The following FREM3 variants were observed in gnomAD, a reference collection of about 807,000 sequenced individuals.
FREM3 encodes FRAS1 related extracellular matrix 3.
Under a neutral mutation model 129.1 loss-of-function variants are expected in FREM3, and 105 were observed. The ratio of observed to expected loss-of-function variants is 0.81; its 90% CI spans 0.69 to 0.96. The LOEUF is 0.96. Ranked by LOEUF, FREM3 falls within the 40% of genes least tolerant of loss-of-function variation. The probability of loss-of-function intolerance (pLI) is 0.00; values close to 1 mark genes in which losing one functional copy is unlikely to be tolerated. For missense variants in FREM3, 2,593 were observed against 2,666.3 expected (o/e 0.97, Z 0.61); for synonymous variants, 1,014 against 1,044.9 (o/e 0.97, Z 0.57).
intron 2 of FREM3, among the ~76,000 whole-genome samples, chr4:143,653,915 T>C (rs1363364639): frequency 1.3e-5 from 2 of 152,212 alleles, no homozygotes; most frequent in African/African-American, 4.8e-5. Flanking sequence ...GGGACTCTTC[T>C]TTTGATTACC....
Position 143,624,304 on chromosome 4 carries a change from G to A in FREM3, c.5457C>T (p.Asp1819=), listed in dbSNP as rs972864395. The change falls in exon 4 of 8, where the codon GAC becomes GAT. Residue 1819 remains aspartate (D), a synonymous_variant. Coordinates refer to ENST00000329798, the MANE Select transcript of FREM3 (RefSeq NM_001168235.2). ...IGTKDETAKK[D]KDFKWKTNKQ... ...TATTGGTCTTCCATTTGAAATCTTT[G>A]TCTTTTTTTGCAGTTTCATCTTTGG... The A allele has an allele frequency of 2.6e-6, 4 of 1,536,682 alleles. No homozygotes were observed. In the South Asian group the frequency reaches 3.6e-5, roughly 14 times the overall value.
intron 2 of FREM3, among the ~76,000 whole-genome samples, chr4:143,672,040 A>C (rs1012453787): frequency 6.6e-6 from 1 of 152,156 alleles, no homozygotes. Context: ...TCTCTCTCCC[A>C]TTGTCACTGC....
intron 2 of FREM3, among the ~76,000 whole-genome samples, chr4:143,690,713 C>T (rs1322654676): frequency 6.6e-6 from 1 of 152,062 alleles, no homozygotes; most frequent in Non-Finnish European, 1.5e-5. Flanking sequence ...TTAAGTCAGC[C>T]ACTGTAAAGC....
Position 143,621,031 on chromosome 4 carries a change from T to A in FREM3, c.5779+6A>T. 6.5e-7 allele frequency: 1 copy of A among 1,537,244 alleles called. No individual in the cohort carries two copies. The highest frequency in any genetic ancestry group is 1.2e-5 in the South Asian group (1 of 84,054). ...CCTATGAACAGGACCCCACAGAGCC[T>A]CATACCTTGACGTGTGGAGCAAATG... On this transcript the variant is annotated splice_donor_region_variant and intron_variant, in intron 5 of 7. Transcript: ENST00000329798.
In FREM3 at chr4:143,700,288, C is replaced by G; in HGVS notation, c.388G>C (p.Gly130Arg). ...GPRQVQYTHF[G>R]SHSPGRARVL... ...CGGGCGCGTCCGGGGCTGTGGGAGC[C>G]GAAGTGAGTGTACTGGACTTGGCGG... Residue 130 changes from glycine to arginine, a missense_variant, in exon 1 of 8, where the codon GGC becomes CGC. Gly to Arg is a moderately radical substitution (Grantham distance 125, BLOSUM62 -2). Transcript: ENST00000329798. 2 of 1,536,306 alleles carry G rather than the reference C, an allele frequency of 1.3e-6. No individual in the cohort carries two copies. The highest frequency in any genetic ancestry group is 1.2e-5 in the South Asian group (1 of 84,014).
chr4:143,689,088 C>G (rs1228295416), intron 2 of FREM3, among the ~76,000 whole-genome samples: 3 of 152,124 alleles, frequency 2.0e-5, no homozygotes, highest in African/African-American at 7.2e-5. Context: ...AGAAAACAGA[C>G]AACCCACAGA....
Position 143,696,619 on chromosome 4 carries a change from C to T in FREM3, c.4057G>A (p.Gly1353Arg). 2.6e-6 allele frequency: 4 copies of T among 1,537,728 alleles called. No individual in the cohort carries two copies. Among genetic ancestry groups the T allele is most frequent in the Non-Finnish European group, 3.5e-6 (4 of 1,147,028 alleles). Residue 1353 changes from glycine to arginine, a missense_variant, in exon 1 of 8, where the codon GGG (glycine) becomes AGG (arginine). Physicochemically the swap from Gly to Arg is moderately radical, Grantham distance 125. Around this residue, in one of 2 missense-constraint regions of FREM3, gnomAD observed 2,276 missense variants for 2,267.2 expected, o/e 1.00. Transcript: ENST00000329798. ...GGTTTTCTCAGCCTCTGTAGAAGCC[C>T]TTGTTGAGGCCCAGAATGGAGGACA... is the stretch of plus-strand genomic sequence containing the variant. ...SFVLHSGPQQ[G>R]LLQRLRKPRG...
Position 143,697,950 on chromosome 4 carries a change from G to T in FREM3, c.2726C>A (p.Thr909Lys), listed in dbSNP as rs778527990. 2 of 1,537,770 alleles carry T rather than the reference G, an allele frequency of 1.3e-6. No homozygotes were observed. Among genetic ancestry groups the T allele is most frequent in the Non-Finnish European group, 1.7e-6 (2 of 1,147,030 alleles). Reference protein sequence around the residue: ...SVSYQHGRDQTTTSDTFHLEV... With the variant: ...SVSYQHGRDQKTTSDTFHLEV... The stretch of plus-strand genomic sequence containing the variant: ...CAGATGGAAAGTGTCACTGGTAGTC[G>T]TCTGGTCTCTGCCATGCTGGTAAGA... Residue 909 changes from threonine (T) to lysine (K), a missense_variant, in exon 1 of 8, where the codon ACG becomes AAG. Physicochemically the swap from Thr to Lys is moderately conservative, Grantham distance 78. Around this residue, in one of 2 missense-constraint regions of FREM3, gnomAD observed 2,276 missense variants for 2,267.2 expected, o/e 1.00. Transcript: ENST00000329798.
chr4:143,683,364 G>A (rs1375240786), intron 2 of FREM3, among the ~76,000 whole-genome samples: 1 of 152,218 alleles, frequency 6.6e-6, no homozygotes, highest in African/African-American at 2.4e-5. Context: ...CCCCAACTAT[G>A]GAAGTGGTAA....
chr4:143,588,687 A>G (rs904511244), intron 6 of FREM3, among the ~76,000 whole-genome samples: 5 of 151,944 alleles, frequency 3.3e-5, no homozygotes, highest in South Asian at 2.1e-4. Flanking sequence ...TATTGTGAAT[A>G]GTGCCACAAT....
rs766345766 is a variant in FREM3, at chr4:143,697,456, C to G, written c.3220G>C (p.Val1074Leu). The stretch of plus-strand genomic sequence containing the variant: ...TCATAGACAATGAAGGACTCCCCGA[C>G]GAAGACCTTGGGTCCCACATTGTCC... ...PVDNVGPKVF[V>L]GESFIVYEGE... Residue 1074 changes from valine to leucine, a missense_variant, in exon 1 of 8, where the codon GTC becomes CTC. Val to Leu is a conservative substitution (Grantham distance 32, BLOSUM62 1). Transcript: ENST00000329798. 2.0e-6 allele frequency: 3 copies of G among 1,537,110 alleles called. No homozygotes were observed. Among genetic ancestry groups the G allele is most frequent in the Non-Finnish European group, 2.6e-6 (3 of 1,146,888 alleles).
At position 143,700,604 on chromosome 4, in the gene FREM3, C is replaced by G; in HGVS notation, c.72G>C (p.Leu24Phe). 2.7e-6 allele frequency: 4 copies of G among 1,462,262 alleles called. No homozygotes were observed. Among genetic ancestry groups the G allele is most frequent in the Non-Finnish European group, 3.6e-6 (4 of 1,108,856 alleles). 90.6% of individuals were successfully genotyped at this position (1,462,262 alleles called of 1,614,324 possible). A position where few individuals can be genotyped will look rare whatever the true frequency, so the allele number is the denominator to read the frequency against. The change falls in exon 1 of 8, where the codon TTG (leucine) becomes TTC (phenylalanine). Residue 24 changes from leucine (L) to phenylalanine (F), a missense_variant. Coordinates refer to ENST00000329798, the MANE Select transcript of FREM3 (RefSeq NM_001168235.2). ...QLLVALACLL[L>F]SRPALQGRAS... The stretch of plus-strand genomic sequence containing the variant: ...CCCGTCCCTGCAGCGCGGGGCGACT[C>G]AAGAGCAGGCAGGCGAGCGCCACAA...
intron 2 of FREM3, among the ~76,000 whole-genome samples, chr4:143,688,414 G>A (rs1740405596): frequency 6.6e-6 from 1 of 152,072 alleles, no homozygotes; most frequent in African/African-American, 2.4e-5. Context: ...GCTCATGGAT[G>A]GGTAGAATCA....
intron 2 of FREM3, among the ~76,000 whole-genome samples, chr4:143,685,145 A>G (rs564857747): frequency 6.6e-6 from 1 of 152,316 alleles, no homozygotes; most frequent in East Asian, 1.9e-4. Flanking sequence ...TACCAGAAGC[A>G]CAAAGAACAC....
At chr4:143,645,532 A>G (rs1363369574) in intron 2 of FREM3, among the ~76,000 whole-genome samples, 1 of 152,222 alleles carries the variant, frequency 6.6e-6, no homozygotes. Flanking sequence ...TTATGAGCAA[A>G]GACTAAGGTT....
chr4:143,615,156 G>A (rs565233677), intron 5 of FREM3, among the ~76,000 whole-genome samples: 63 of 152,226 alleles, frequency 4.1e-4, no homozygotes, highest in African/African-American at 1.5e-3. Flanking sequence ...ATGTTGTTTG[G>A]TTACTTTATG....
rs149002940 is a variant in FREM3 at position 143,628,092 on chromosome 4, G to A, written c.5276-332C>T. On this transcript the variant is annotated intron_variant, in intron 2 of 7. Transcript: ENST00000329798. ...CACCTCTATCGTTTCCTCCCTGCCTGTTGTCTTCACTTTCACTCCCTCTGC... is the reference window on the plus strand; with the variant it reads ...CACCTCTATCGTTTCCTCCCTGCCTATTGTCTTCACTTTCACTCCCTCTGC... Among the ~76,000 whole-genome samples the A allele has an allele frequency of 4.0e-3, 613 of 152,014 alleles. 4 individuals are homozygous for A. Among genetic ancestry groups the A allele is most frequent in the African/African-American group, 0.014 (576 of 41,476 alleles).
chr4:143,624,234 C>A lies in FREM3; in HGVS notation c.5527G>T (p.Val1843Leu). 1 of 1,535,954 alleles carries A rather than the reference C, an allele frequency of 6.5e-7. No individual in the cohort carries two copies. Among genetic ancestry groups the A allele is most frequent in the Non-Finnish European group, 8.7e-7 (1 of 1,145,786 alleles). Residue 1843 changes from valine to leucine, a missense_variant, in exon 4 of 8, where the codon GTG becomes TTG. Val to Leu is a conservative substitution (Grantham distance 32). Transcript: ENST00000329798. ...TATTCATTGTCAGGTATAATTCTCA[C>A]CCTCCATGTGGCTGTAGTCTGTCCA... ...NPGQTTATWR[V>L]RIIPDNEYET...
At chr4:143,582,156 G>A (rs1414526574) in intron 7 of FREM3, among the ~76,000 whole-genome samples, 3 of 152,116 alleles carry the variant, frequency 2.0e-5, no homozygotes, top group Admixed American at 6.5e-5. Context: ...CTCTGTCCTC[G>A]TCACCCCCAA....
Sources: allele counts gnomAD v4.1 joint callset (sites outside exome capture counted in the v4.1 genomes callset), GRCh38; gene constraint gnomAD v4.1.1; regional missense constraint gnomAD v4.1.1; transcripts MANE v1.5; gene names NCBI Gene and HGNC (gene_info 2026-07-23, HGNC 2026-07-21).